SETX: variants seen among roughly 807,000 people sequenced by gnomAD.
SETX encodes senataxin.
In SETX, 90 loss-of-function variants were observed where a neutral mutation model predicts 227.2. That is an observed-to-expected ratio of 0.40 (90% CI 0.33 to 0.47). The LOEUF (loss-of-function observed/expected upper bound fraction) is 0.47. Ranked by LOEUF, SETX falls within the 20% of genes least tolerant of loss-of-function variation. The pLI, the probability that SETX is intolerant of heterozygous loss-of-function variation, is 0.91. For missense variants in SETX, 3,052 were observed against 3,181.5 expected (o/e 0.96, Z 0.98); for synonymous variants, 1,210 against 1,113.2 (o/e 1.09, Z -1.73).
Position 132,340,864 on chromosome 9 carries a change from T to C in SETX, c.498+1826A>G, listed in dbSNP as rs550903142. Among the ~76,000 whole-genome samples the C allele has an allele frequency of 1.7e-4, 26 of 152,310 alleles. 1 individual carries two copies. The South Asian group carries it at 5.2e-3, about 30-fold the overall frequency. On this transcript the variant is annotated intron_variant, in intron 5 of 25. Transcript: ENST00000224140. ...ATGAGGGAGAACTGGAAGCAGAACC[T>C]TAACAGTTCCTTTTCTACTTTATTC... is the stretch of plus-strand genomic sequence containing the variant.
chr9:132,324,660 C>G (rs1337204553), intron 10 of SETX, among the ~76,000 whole-genome samples: 2 of 152,174 alleles, frequency 1.3e-5, no homozygotes, highest in Non-Finnish European at 2.9e-5. Context: ...ATGGTCACTT[C>G]CAGAGAGCAG....
At chr9:132,305,379 G>A (rs1328080162) in intron 11 of SETX, among the ~76,000 whole-genome samples, 7 of 141,710 alleles carry the variant, frequency 4.9e-5, no homozygotes, top group South Asian at 2.3e-4. Context: ...AAACTATTTC[G>A]AACAAAAACC....
chr9:132,267,963 C>T (rs761375203), intron 25 of SETX, among the ~76,000 whole-genome samples: 11 of 152,170 alleles, frequency 7.2e-5, no homozygotes, highest in Admixed American at 1.3e-4. Context: ...TTAATCAAGG[C>T]ATCACTAAAA....
At chr9:132,319,359 GTTACTA>G (rs1186242283) in intron 10 of SETX, among the ~76,000 whole-genome samples, 1 of 152,112 alleles carries the variant, frequency 6.6e-6, no homozygotes, top group Non-Finnish European at 1.5e-5. Flanking sequence ...ACGTAAACTG[GTTACTA>G]TTACTATTCC....
At chr9:132,350,001 A>G (rs1426450257) in intron 2 of SETX, among the ~76,000 whole-genome samples, 2 of 152,214 alleles carry the variant, frequency 1.3e-5, no homozygotes, top group African/African-American at 2.4e-5. Context: ...CAGGAGAGGC[A>G]GTTTTTAAAA....
intron 5 of SETX, among the ~76,000 whole-genome samples, chr9:132,337,435 T>TA (rs139342276): frequency 0.8 from 107,902 of 135,524 alleles, 40,642 homozygotes; most frequent in Non-Finnish European, 0.85. Flanking sequence ...ACAACCAACC[T>TA]TAAAAAAAAA....
intron 7 of SETX, among the ~76,000 whole-genome samples, chr9:132,333,803 C>T (rs1208204310): frequency 6.6e-6 from 1 of 152,178 alleles, no homozygotes; most frequent in Non-Finnish European, 1.5e-5. Context: ...AATCTTCTGT[C>T]TCTGCATTGT....
chr9:132,262,748 A>C lies in SETX; in HGVS notation c.*1491T>G, dbSNP rs894936809. ...AGCTCTTTATAATCTGCTCAAGTAG[A>C]ATTTCTAACACAAAACCCTTTTTTG... On this transcript the variant is annotated 3_prime_UTR_variant, in exon 26 of 26. Coordinates refer to ENST00000224140, the MANE Select transcript of SETX (RefSeq NM_015046.7). 1 of 152,632 alleles carries C rather than the reference A, an allele frequency of 6.6e-6. No individual in the cohort carries two copies. The highest frequency in any genetic ancestry group is 2.4e-5 in the African/African-American group (1 of 41,438). The allele number at this position is 152,632 out of a possible 1,614,324, so 9.5% of individuals were successfully genotyped here.
chr9:132,327,572 A>G lies in SETX; in HGVS notation c.4026T>C (p.Leu1342=). ...QNLSVRNNKK[L]LTSQELQMQR... ...GCATCTGAAGTTCTTGACTAGTCAG[A>G]AGTTTCTTATTATTTCTGACAGACA... is the stretch of plus-strand genomic sequence containing the variant. Residue 1342 remains leucine, a synonymous_variant, in exon 10 of 26, where the codon CTT becomes CTC. Coordinates refer to ENST00000224140, the MANE Select transcript of SETX (RefSeq NM_015046.7). 1 of 1,614,084 alleles carries G rather than the reference A, an allele frequency of 6.2e-7. No homozygotes were observed. Among genetic ancestry groups the G allele is most frequent in the Non-Finnish European group, 8.5e-7 (1 of 1,180,032 alleles).
chr9:132,290,689 G>T lies in SETX; in HGVS notation c.6107-2038C>A, dbSNP rs1844243257. ...GTAGGCAGATCGCTTGAATCCAGGA[G>T]TCTGAGACCAGCCTGGGCAACATGA... On this transcript the variant is annotated intron_variant, in intron 15 of 25. Transcript: ENST00000224140. 2.6e-5 allele frequency among the ~76,000 whole-genome samples: 4 copies of T among 151,550 alleles called. No individual in the cohort carries two copies. The South Asian group carries it at 8.3e-4, about 32-fold the overall frequency.
At chr9:132,312,297 T>C (rs1439305268) in intron 10 of SETX, among the ~76,000 whole-genome samples, 1 of 152,124 alleles carries the variant, frequency 6.6e-6, no homozygotes, top group Non-Finnish European at 1.5e-5. Context: ...CACCAACATG[T>C]CATCCTGCCA....
rs1847018940 is a variant in SETX at position 132,328,708 on chromosome 9, T to C, written c.2890A>G (p.Lys964Glu). 2 of 1,613,878 alleles carry C rather than the reference T, an allele frequency of 1.2e-6. No individual in the cohort carries two copies. Among genetic ancestry groups the C allele is most frequent in the Non-Finnish European group, 8.5e-7 (1 of 1,179,876 alleles). The change falls in exon 10 of 26, where the codon AAA becomes GAA. Residue 964 changes from lysine (K) to glutamate (E), a missense_variant. Physicochemically the swap from Lys to Glu is moderately conservative, Grantham distance 56 (BLOSUM62 1). Transcript: ENST00000224140. ...TDSQIDRDLH[K>E]LSLLAQASVI... ...CTGGCTTGAGCTAGTAAAGATAATTTGTGAAGGTCTCTGTCTATCTGAGAA... is the reference window on the plus strand; with the variant it reads ...CTGGCTTGAGCTAGTAAAGATAATTCGTGAAGGTCTCTGTCTATCTGAGAA...
chr9:132,329,331 T>A lies in SETX; in HGVS notation c.2267A>T (p.Glu756Val), dbSNP rs202036078. The A allele has an allele frequency of 8.7e-6, 14 of 1,613,966 alleles. No homozygotes were observed. The East Asian group carries it at 3.1e-4, about 36-fold the overall frequency. The change falls in exon 10 of 26, where the codon GAA becomes GTA. Residue 756 changes from glutamate (E) to valine (V), a missense_variant. By Grantham distance (121) the Glu-to-Val change is moderately radical. Transcript: ENST00000224140. ...ATCTTCATTCGATGTGGACACTTTT[T>A]CCAAAGCATCAGTGCTAGAATCAGT... is the stretch of plus-strand genomic sequence containing the variant. ...LLTDSSTDAL[E>V]KVSTSNEDFS...
intron 19 of SETX, 93 bp downstream of exon 19, chr9:132,283,171 A>AAC: frequency 6.5e-7 from 1 of 1,534,122 alleles, no homozygotes; most frequent in Non-Finnish European, 9.0e-7. Context: ...AAAAAAAAAA[A>AAC]ACACATTTCC....
chr9:132,318,205 CCT>C (rs2131382633), intron 10 of SETX, among the ~76,000 whole-genome samples: 1 of 152,294 alleles, frequency 6.6e-6, no homozygotes, highest in African/African-American at 2.4e-5. Context: ...CCAACTAGCT[CCT>C]GTTTGTTGTT....
chr9:132,326,736 GA>G lies in SETX; in HGVS notation c.4861del (p.Ser1621HisfsTer4). 6.2e-7 allele frequency: 1 copy of G among 1,614,212 alleles called. No individual in the cohort carries two copies. Among genetic ancestry groups the G allele is most frequent in the Non-Finnish European group, 8.5e-7 (1 of 1,180,040 alleles). On this transcript the variant is annotated frameshift_variant, in exon 10 of 26. Transcript: ENST00000224140. LOFTEE classifies it high-confidence loss of function. ...SKSLETSSAL[S>X]PSLKNKSKGI... ...CTTTGACTTATTTTTTAGAGACGGT[GA>G]AAGTGCTGAAGAAGTTTCCAAAGAT...
chr9:132,336,069 C>T (rs994133563), intron 6 of SETX, among the ~76,000 whole-genome samples: 23 of 152,118 alleles, frequency 1.5e-4, no homozygotes, highest in Middle Eastern at 6.8e-3. Context: ...TGGTGAAACC[C>T]CGTCTCTACT....
chr9:132,335,779 T>C (rs955050459), intron 6 of SETX, among the ~76,000 whole-genome samples: 1 of 152,218 alleles, frequency 6.6e-6, no homozygotes, highest in Non-Finnish European at 1.5e-5. Context: ...TGCTTGAAAA[T>C]GTACTGCTTA....
At chr9:132,338,780 A>G (rs957150262) in intron 5 of SETX, among the ~76,000 whole-genome samples, 5 of 152,044 alleles carry the variant, frequency 3.3e-5, no homozygotes, top group Admixed American at 2.6e-4. Flanking sequence ...TTTTTTTGAG[A>G]AAGAGTCTCA....
Sources: gnomAD v4.1 joint callset for allele counts (sites outside exome capture counted in the v4.1 genomes callset) on GRCh38, gnomAD v4.1.1 for gene constraint, MANE v1.5 for transcripts, NCBI Gene and HGNC (gene_info 2026-07-23, HGNC 2026-07-21) for gene names.